The following TDRD12 variants were observed in gnomAD, a reference collection of about 807,000 sequenced individuals.
The protein encoded by TDRD12 is tudor domain containing 12, also known as putative ATP-dependent RNA helicase TDRD12.
A neutral mutation model predicts 133.5 loss-of-function variants in TDRD12; 158 were observed. The ratio of observed to expected loss-of-function variants is 1.18; its 90% CI spans 1.04 to 1.35. TDRD12 has a LOEUF of 1.35. Ranked by LOEUF, TDRD12 falls within the 40% of genes most tolerant of loss-of-function variation. The pLI is 0.00. For missense variants in TDRD12, 1,443 were observed against 1,321.3 expected (o/e 1.09, Z -1.43); for synonymous variants, 460 against 477.9 (o/e 0.96, Z 0.49).
intron 16 of TDRD12, among the ~76,000 whole-genome samples, chr19:32,798,890 T>G (rs1480445246): frequency 6.6e-6 from 1 of 152,240 alleles, no homozygotes; most frequent in Non-Finnish European, 1.5e-5. Flanking sequence ...TAGCCTGCAT[T>G]GTGCAGGGCG....
intron 21 of TDRD12, among the ~76,000 whole-genome samples, chr19:32,807,051 C>T (rs149965071): frequency 1.3e-5 from 2 of 152,040 alleles, no homozygotes; most frequent in African/African-American, 2.4e-5. Context: ...GGTTAGAGAT[C>T]GATTGCCCTT....
chr19:32,753,164 GGGCAC>G (rs1969887046), intron 6 of TDRD12, among the ~76,000 whole-genome samples: 1 of 152,150 alleles, frequency 6.6e-6, no homozygotes, highest in African/African-American at 2.4e-5. Context: ...ATCTAGATGA[GGGCAC>G]TTGGTGTGCT....
At chr19:32,722,388 C>T (rs998582120) in intron 1 of TDRD12, among the ~76,000 whole-genome samples, 1 of 152,116 alleles carries the variant, frequency 6.6e-6, no homozygotes, top group African/African-American at 2.4e-5. Context: ...CTCTGATCTG[C>T]CCCCACTTCT....
intron 2 of TDRD12, among the ~76,000 whole-genome samples, chr19:32,737,718 A>G (rs372111304): frequency 6.6e-6 from 1 of 152,158 alleles, no homozygotes; most frequent in African/African-American, 2.4e-5. Context: ...AAGACTTAGT[A>G]TATGCCAGGC....
intron 8 of TDRD12, among the ~76,000 whole-genome samples, chr19:32,765,430 A>G (rs569708788): frequency 9.5e-4 from 145 of 152,366 alleles, no homozygotes; most frequent in African/African-American, 3.2e-3. Flanking sequence ...CTATAAAGAC[A>G]CATGCACACA....
At chr19:32,749,953 CTG>C in intron 6 of TDRD12, 84 bp downstream of exon 6, 1 of 1,001,464 alleles carries the variant, frequency 1.0e-6, no homozygotes, top group Non-Finnish European at 1.5e-6. Context: ...AAGAAAAACA[CTG>C]TAGTTCGTAC....
intron 11 of TDRD12, 64 bp downstream of exon 11, chr19:32,777,293 A>AG: frequency 2.0e-6 from 2 of 1,007,004 alleles, no homozygotes; most frequent in Non-Finnish European, 2.9e-6. Flanking sequence ...TATAAACAAG[A>AG]GAAATCTACA....
At chr19:32,751,377 A>C (rs1003455386) in intron 6 of TDRD12, among the ~76,000 whole-genome samples, 2 of 152,136 alleles carry the variant, frequency 1.3e-5, no homozygotes, top group Non-Finnish European at 2.9e-5. Flanking sequence ...GGTGTTTGCC[A>C]GGTTTTTCCT....
chr19:32,822,184 C>T (rs760489239), downstream of TDRD12, among the ~76,000 whole-genome samples: 3 of 152,196 alleles, frequency 2.0e-5, no homozygotes, highest in Non-Finnish European at 4.4e-5. Context: ...GATCCCAACA[C>T]TTTGGGGGGC....
chr19:32,804,451 C>T (rs1194731243), intron 21 of TDRD12, among the ~76,000 whole-genome samples: 14 of 148,602 alleles, frequency 9.4e-5, no homozygotes, highest in South Asian at 9.0e-4. Context: ...CCCAGCACTT[C>T]GGGAGGCCGA....
intron 4 of TDRD12, among the ~76,000 whole-genome samples, chr19:32,745,194 CTGTG>C (rs1211661248): frequency 6.6e-6 from 1 of 152,224 alleles, no homozygotes; most frequent in Non-Finnish European, 1.5e-5. Flanking sequence ...ATTGGGGCCC[CTGTG>C]TGTGCAACCC....
intron 6 of TDRD12, among the ~76,000 whole-genome samples, chr19:32,754,669 CTT>C (rs35714049): frequency 0.015 from 1,042 of 70,084 alleles, 11 homozygotes; most frequent in African/African-American, 0.053. Flanking sequence ...ATGACTCTAT[CTT>C]TTTTTTTTTT....
chr19:32,784,166 C>T (rs553393581), intron 11 of TDRD12, among the ~76,000 whole-genome samples: 6 of 152,234 alleles, frequency 3.9e-5, no homozygotes, highest in South Asian at 4.1e-4. Flanking sequence ...TACATTCCAT[C>T]GATACCTAGT....
At chr19:32,767,180 G>A (rs1318091401) in intron 8 of TDRD12, among the ~76,000 whole-genome samples, 1 of 151,052 alleles carries the variant, frequency 6.6e-6, no homozygotes, top group Non-Finnish European at 1.5e-5. Context: ...CCAGGCTGTA[G>A]TGCAGTGGCG....
chr19:32,795,363 G>C (rs945062087), intron 14 of TDRD12, among the ~76,000 whole-genome samples: 2 of 147,776 alleles, frequency 1.4e-5, no homozygotes, highest in Non-Finnish European at 3.0e-5. Context: ...GAAAGAAAAA[G>C]AAAAAATGGA....
Position 32,780,179 on chromosome 19 carries a change from G to A in TDRD12, c.1121+2950G>A, listed in dbSNP as rs192840934. Among the ~76,000 whole-genome samples, 1,283 of 151,770 alleles carry A rather than the reference G, an allele frequency of 8.5e-3. 10 individuals are homozygous for A. Among genetic ancestry groups the A allele is most frequent in the Middle Eastern group, 0.014 (4 of 294 alleles). On this transcript the variant is annotated intron_variant, in intron 11 of 27. Coordinates refer to ENST00000444215, the Ensembl canonical transcript of TDRD12. The stretch of plus-strand genomic sequence containing the variant: ...CCTTGCTGCAACCTCCGCCTCTCGG[G>A]TTCAAGCGATTCTCCTGCCTCAGCC...
chr19:32,810,710 T>C (rs1385882466), intron 23 of TDRD12, among the ~76,000 whole-genome samples: 3 of 152,202 alleles, frequency 2.0e-5, no homozygotes, highest in Non-Finnish European at 4.4e-5. Flanking sequence ...CTGGCACCAC[T>C]TGGTGATAGC....
At chr19:32,807,638 G>C in exon 22 of TDRD12, 1 of 1,531,646 alleles carries the variant, frequency 6.5e-7, no homozygotes, top group East Asian at 2.4e-5. Context: ...CCTTCATTTG[G>C]ATACATTAAA....
intron 24 of TDRD12, among the ~76,000 whole-genome samples, chr19:32,813,296 G>C (rs1439653725): frequency 1.3e-5 from 2 of 152,208 alleles, no homozygotes; most frequent in Non-Finnish European, 2.9e-5. Context: ...CCTTGGAGCA[G>C]GAGGAACAAC....
Sources: allele counts gnomAD v4.1 joint callset (sites outside exome capture counted in the v4.1 genomes callset), GRCh38; gene constraint gnomAD v4.1.1; transcripts MANE v1.5; gene names NCBI Gene and HGNC (gene_info 2026-07-23, HGNC 2026-07-21).